Variants in GRM8 observed in about 807,000 individuals in gnomAD.
GRM8 encodes metabotropic glutamate receptor 8.
Under a neutral mutation model 87.2 loss-of-function variants are expected in GRM8, and 47 were observed. The observed-to-expected ratio is 0.54, with a 90% CI of 0.43 to 0.69. The LOEUF (loss-of-function observed/expected upper bound fraction) is 0.69, where lower values mean the gene tolerates loss of function less well. GRM8 is among the 30% of genes least tolerant of loss of function. GRM8 has a pLI of 0.00. For synonymous variants in GRM8, 396 were observed against 404.5 expected (o/e 0.98, Z 0.25); for missense variants, 1,019 against 1,139.2 (o/e 0.89, Z 1.52).
chr7:127,197,212 T>C (rs1795329445), intron 2 of GRM8, among the ~76,000 whole-genome samples: 1 of 152,260 alleles, frequency 6.6e-6, no homozygotes, highest in African/African-American at 2.4e-5. Context: ...TCAAGATTTC[T>C]AACTAATTTC....
chr7:126,995,285 T>G (rs1007975628), intron 3 of GRM8, among the ~76,000 whole-genome samples: 2 of 152,136 alleles, frequency 1.3e-5, no homozygotes, highest in Admixed American at 1.3e-4. Context: ...ACCCAACTCT[T>G]TAATGCCCAG....
chr7:126,733,122 G>C (rs1813797795), intron 7 of GRM8, among the ~76,000 whole-genome samples: 1 of 151,906 alleles, frequency 6.6e-6, no homozygotes, highest in African/African-American at 2.4e-5. Flanking sequence ...GGGCACCCCT[G>C]ATTTACATCA....
rs116566907 is a variant in GRM8 at position 126,972,877 on chromosome 7, C to T, written c.728-68194G>A. ...CATTAGAGCCTAGTATATTTAGTTA[C>T]CATAGTTCTGCCTACTGGGAACTAT... On this transcript the variant is annotated intron_variant, in intron 3 of 10. Transcript: ENST00000339582. Among the ~76,000 whole-genome samples, 737 of 152,246 alleles carry T rather than the reference C, an allele frequency of 4.8e-3. 9 individuals are homozygous for T. The highest frequency in any genetic ancestry group is 0.017 in the African/African-American group (710 of 41,544).
intron 10 of GRM8, among the ~76,000 whole-genome samples, chr7:126,444,657 C>A (rs2150458167): frequency 6.6e-6 from 1 of 152,066 alleles, no homozygotes; most frequent in Non-Finnish European, 1.5e-5. Flanking sequence ...TTAGAGTAGA[C>A]AATGCTTATC....
At chr7:126,873,932 A>T (rs1368024160) in intron 6 of GRM8, among the ~76,000 whole-genome samples, 1 of 152,160 alleles carries the variant, frequency 6.6e-6, no homozygotes, top group Non-Finnish European at 1.5e-5. Context: ...TTTTGTAAAT[A>T]TTTTAGAATT....
At chr7:126,983,316 T>C (rs1245952191) in intron 3 of GRM8, among the ~76,000 whole-genome samples, 1 of 151,954 alleles carries the variant, frequency 6.6e-6, no homozygotes, top group Non-Finnish European at 1.5e-5. Flanking sequence ...GATAATAGAA[T>C]TGCCTTTGGA....
At chr7:126,654,134 ATTC>A (rs1804245412) in intron 7 of GRM8, among the ~76,000 whole-genome samples, 1 of 152,180 alleles carries the variant, frequency 6.6e-6, no homozygotes. Context: ...ATTCAGGTAC[ATTC>A]TTCTTATTCT....
chr7:127,070,614 G>A (rs1222754765), intron 3 of GRM8, among the ~76,000 whole-genome samples: 1 of 152,020 alleles, frequency 6.6e-6, no homozygotes, highest in Non-Finnish European at 1.5e-5. Context: ...CTAGCACAGG[G>A]ATTATTTTCC....
At chr7:126,770,443 G>T (rs1818715773) in intron 6 of GRM8, among the ~76,000 whole-genome samples, 1 of 152,024 alleles carries the variant, frequency 6.6e-6, no homozygotes, top group African/African-American at 2.4e-5. Context: ...CTCCAGGAGT[G>T]TCATTTATTA....
chr7:127,086,102 G>T (rs1000070584), intron 3 of GRM8, among the ~76,000 whole-genome samples: 1 of 152,048 alleles, frequency 6.6e-6, no homozygotes, highest in African/African-American at 2.4e-5. Context: ...GTTTTTGATT[G>T]TTTTGTTTTG....
intron 6 of GRM8, among the ~76,000 whole-genome samples, chr7:126,888,069 C>G (rs562684057): frequency 3.3e-5 from 5 of 152,130 alleles, no homozygotes; most frequent in Admixed American, 3.3e-4. Flanking sequence ...TTTTCTGCTA[C>G]TTTGGATCAG....
At chr7:126,887,712 A>G (rs1436506994) in intron 6 of GRM8, among the ~76,000 whole-genome samples, 1 of 152,056 alleles carries the variant, frequency 6.6e-6, no homozygotes, top group Non-Finnish European at 1.5e-5. Flanking sequence ...CATCTGTCCT[A>G]AAAGGTCATT....
intron 7 of GRM8, among the ~76,000 whole-genome samples, chr7:126,686,861 G>C (rs899294469): frequency 1.2e-4 from 18 of 152,208 alleles, no homozygotes; most frequent in Admixed American, 1.2e-3. Context: ...ACACCCCACG[G>C]ATCCTGTAAC....
chr7:127,054,282 C>T (rs1019900707), intron 3 of GRM8, among the ~76,000 whole-genome samples: 4 of 151,998 alleles, frequency 2.6e-5, no homozygotes, highest in Non-Finnish European at 4.4e-5. Context: ...ATAATGAGGG[C>T]CCAAAATGAG....
At chr7:126,632,027 A>T (rs1366043333) in intron 7 of GRM8, among the ~76,000 whole-genome samples, 1 of 152,228 alleles carries the variant, frequency 6.6e-6, no homozygotes, top group African/African-American at 2.4e-5. Context: ...AAAAATTGAC[A>T]AATTGGATCT....
At chr7:126,699,562 C>T (rs1809712676) in intron 7 of GRM8, among the ~76,000 whole-genome samples, 1 of 152,144 alleles carries the variant, frequency 6.6e-6, no homozygotes, top group Admixed American at 6.5e-5. Flanking sequence ...TTATTTTTAT[C>T]ACCTTCCTCT....
intron 3 of GRM8, among the ~76,000 whole-genome samples, chr7:127,042,240 A>G (rs1188068482): frequency 6.6e-6 from 1 of 152,206 alleles, no homozygotes; most frequent in Non-Finnish European, 1.5e-5. Context: ...GAGACAGGGG[A>G]AAATACCTGT....
chr7:127,110,293 G>A (rs1446286655), intron 2 of GRM8, among the ~76,000 whole-genome samples: 1 of 152,124 alleles, frequency 6.6e-6, no homozygotes, highest in Non-Finnish European at 1.5e-5. Flanking sequence ...ACAAGTCTCT[G>A]TAGAAGACAA....
intron 6 of GRM8, among the ~76,000 whole-genome samples, chr7:126,789,143 C>T (rs893505982): frequency 1.3e-5 from 2 of 152,030 alleles, no homozygotes; most frequent in Admixed American, 6.6e-5. Flanking sequence ...TCACTATAAA[C>T]ATCTTATGTA....
Sources: allele counts gnomAD v4.1 joint callset (sites outside exome capture counted in the v4.1 genomes callset), GRCh38; gene constraint gnomAD v4.1.1; transcripts MANE v1.5; gene names NCBI Gene and HGNC (gene_info 2026-07-23, HGNC 2026-07-21).